RGS3: variants seen among roughly 807,000 people sequenced by gnomAD.
RGS3 encodes the protein regulator of G protein signaling 3, also known as regulator of G-protein signalling 3.
Under a neutral mutation model 132.6 loss-of-function variants are expected in RGS3, and 80 were observed. The observed-to-expected ratio is 0.60, with a 90% CI of 0.50 to 0.73. RGS3 has a LOEUF of 0.73. RGS3 is among the 30% of genes least tolerant of loss of function. The probability of loss-of-function intolerance (pLI) is 0.00; values close to 1 mark genes in which losing one functional copy is unlikely to be tolerated. For synonymous variants in RGS3, 598 were observed against 620.6 expected (o/e 0.96, Z 0.54); for missense variants, 1,382 against 1,530.8 (o/e 0.90, Z 1.62).
At chr9:113,487,510 A>G (rs908440324) in intron 7 of RGS3, among the ~76,000 whole-genome samples, 10 of 152,326 alleles carry the variant, frequency 6.6e-5, no homozygotes, top group Non-Finnish European at 1.0e-4. Context: ...GAATTTGCCT[A>G]AGGTCATACA....
At position 113,486,781 on chromosome 9, in the gene RGS3, A is replaced by G. The variant is rs558606532; in HGVS notation, c.689+1088A>G. On this transcript the variant is annotated intron_variant, in intron 7 of 24. Coordinates refer to ENST00000350696, the Ensembl canonical transcript of RGS3. The stretch of plus-strand genomic sequence containing the variant: ...TTAGTACTCTAAATGTTATTAGCTA[A>G]TATGTTTTTTAAAATCGGGGTGTAT... Among the ~76,000 whole-genome samples the G allele has an allele frequency of 5.9e-5, 9 of 152,340 alleles. No individual in the cohort carries two copies. In the South Asian group the frequency reaches 1.9e-3, roughly 32 times the overall value.
At chr9:113,502,545 G>C (rs1830948031) in intron 10 of RGS3, among the ~76,000 whole-genome samples, 1 of 152,232 alleles carries the variant, frequency 6.6e-6, no homozygotes, top group Admixed American at 6.5e-5. Flanking sequence ...GCCCCACTCT[G>C]TGTTTCCTGC....
rs112319589 is a variant in RGS3 at position 113,587,817 on chromosome 9, C to A, written c.3015+3390C>A. Among the ~76,000 whole-genome samples the A allele has an allele frequency of 1.7e-3, 253 of 152,328 alleles. 2 individuals carry two copies. Among genetic ancestry groups the A allele is most frequent in the African/African-American group, 5.6e-3 (234 of 41,554 alleles). On this transcript the variant is annotated intron_variant, in intron 20 of 24. Transcript: ENST00000350696. ...CCAGAGAGGGAGAGCCCCCTGCCCC[C>A]ACTCCCCGCCATGGTTCTCCAGCTG...
intron 19 of RGS3, among the ~76,000 whole-genome samples, chr9:113,555,388 C>T (rs375222656): frequency 1.3e-5 from 2 of 152,118 alleles, no homozygotes; most frequent in African/African-American, 2.4e-5. Context: ...ATGATCATGT[C>T]GGCTGGACCA....
At chr9:113,501,802 C>G (rs2119299327) in intron 10 of RGS3, among the ~76,000 whole-genome samples, 1 of 152,350 alleles carries the variant, frequency 6.6e-6, no homozygotes, top group African/African-American at 2.4e-5. Flanking sequence ...CCCAAGGCCC[C>G]TTTAGGGCCC....
Position 113,463,520 on chromosome 9 carries a change from G to A in RGS3, c.415+1319G>A, listed in dbSNP as rs1467564634. Among the ~76,000 whole-genome samples, 1 of 152,150 alleles carries A rather than the reference G, an allele frequency of 6.6e-6. No individual in the cohort carries two copies. The highest frequency in any genetic ancestry group is 1.5e-5 in the Non-Finnish European group (1 of 68,014). ...TGCTGGGGCCGGGATACCCGGGGTG[G>A]CCGCACCGTCCTGCTGGCTCCTTGG... On this transcript the variant is annotated intron_variant, in intron 3 of 24. Coordinates refer to ENST00000350696, the Ensembl canonical transcript of RGS3. The surrounding 1 kb of genome is among the most constrained non-coding windows in gnomAD (Gnocchi z 4.6).
chr9:113,525,056 G>A (rs1206898126), intron 17 of RGS3, among the ~76,000 whole-genome samples: 1 of 152,162 alleles, frequency 6.6e-6, no homozygotes, highest in Non-Finnish European at 1.5e-5. Flanking sequence ...CAAGGGCTGA[G>A]GATGGCCAAG....
intron 1 of RGS3, among the ~76,000 whole-genome samples, chr9:113,446,683 C>T (rs976108050): frequency 9.9e-5 from 15 of 152,060 alleles, no homozygotes; most frequent in South Asian, 6.2e-4. Flanking sequence ...CCTCAGGTGG[C>T]GTGTAGGAAG....
chr9:113,548,199 G>A (rs1833192344), intron 19 of RGS3, among the ~76,000 whole-genome samples: 1 of 152,212 alleles, frequency 6.6e-6, no homozygotes, highest in African/African-American at 2.4e-5. Context: ...ACTTGGCCAA[G>A]GGCATGTAGT....
chr9:113,479,333 C>A, intron 3 of RGS3, 158 bp from the exon 2 acceptor site: 1 of 747,866 alleles, frequency 1.3e-6, no homozygotes, highest in Non-Finnish European at 2.4e-6. Flanking sequence ...CGGGGCTGAA[C>A]CCTGTGGCTT....
exon 25 of RGS3, chr9:113,597,158 C>T: frequency 1.9e-6 from 1 of 533,254 alleles, no homozygotes; most frequent in Non-Finnish European, 3.3e-6. Flanking sequence ...GTGGGGTCCC[C>T]ACTGCCCCGG....
At chr9:113,541,399 C>T in intron 19 of RGS3, 1 of 1,613,936 alleles carries the variant, frequency 6.2e-7, no homozygotes, top group Non-Finnish European at 8.5e-7. Context: ...AGAAGCTTTA[C>T]CTCACCAGGA....
chr9:113,498,369 C>A (rs377761793), intron 10 of RGS3, among the ~76,000 whole-genome samples: 5 of 152,282 alleles, frequency 3.3e-5, no homozygotes, highest in Non-Finnish European at 7.4e-5. Flanking sequence ...CGAGTCCTCC[C>A]CTTCCCACAG....
chr9:113,531,251 G>A (rs1832451082), intron 18 of RGS3, among the ~76,000 whole-genome samples: 1 of 152,234 alleles, frequency 6.6e-6, no homozygotes, highest in African/African-American at 2.4e-5. Flanking sequence ...AGGCTCTGAA[G>A]TCAGTTGGGT....
intron 19 of RGS3, among the ~76,000 whole-genome samples, chr9:113,563,605 G>T (rs1564574080): frequency 6.6e-6 from 1 of 152,166 alleles, no homozygotes; most frequent in African/African-American, 2.4e-5. Context: ...CTTTTCAGGA[G>T]CCAGCAGGAT....
chr9:113,550,042 A>T (rs896631821), intron 19 of RGS3, among the ~76,000 whole-genome samples: 1 of 152,206 alleles, frequency 6.6e-6, no homozygotes, highest in Non-Finnish European at 1.5e-5. Context: ...CCCAGCATCC[A>T]GTTCAACACC....
At chr9:113,557,899 G>T (rs2118791901) in intron 19 of RGS3, among the ~76,000 whole-genome samples, 1 of 152,354 alleles carries the variant, frequency 6.6e-6, no homozygotes, top group South Asian at 2.1e-4. Flanking sequence ...GTGTGTTCAG[G>T]ATCAGACAGT....
Position 113,584,080 on chromosome 9 carries a change from GA to G in RGS3, c.2669del (p.Glu890GlyfsTer29), listed in dbSNP as rs1397699440. 6.2e-7 allele frequency: 1 copy of G among 1,614,100 alleles called. No individual in the cohort carries two copies. Among genetic ancestry groups the G allele is most frequent in the Admixed American group, 1.7e-5 (1 of 60,010 alleles). ...TGCAGAAGAGGCCGAGGAGGTGGAG[GA>G]GGGGGAGGAAGGGGAGGAGGACGAG... On this transcript the variant is annotated frameshift_variant, in exon 20 of 25. Coordinates refer to ENST00000350696, the Ensembl canonical transcript of RGS3. LOFTEE classifies it high-confidence loss of function.
chr9:113,580,239 C>T (rs1034475403), intron 19 of RGS3, among the ~76,000 whole-genome samples: 2 of 152,250 alleles, frequency 1.3e-5, no homozygotes, highest in African/African-American at 4.8e-5. Context: ...GCTGTTCCTC[C>T]TCCTTCTACA....
Sources: allele counts gnomAD v4.1 joint callset (sites outside exome capture counted in the v4.1 genomes callset), GRCh38; gene constraint gnomAD v4.1.1; non-coding constraint Gnocchi (gnomAD v3.1); transcripts MANE v1.5; gene names NCBI Gene and HGNC (gene_info 2026-07-23, HGNC 2026-07-21).